DCT: variants seen among roughly 807,000 people sequenced by gnomAD.
DCT encodes L-dopachrome tautomerase.
A neutral mutation model predicts 53.0 loss-of-function variants in DCT; 47 were observed. The observed-to-expected ratio is 0.89, with a 90% confidence interval of 0.70 to 1.13. The LOEUF (loss-of-function observed/expected upper bound fraction) is 1.13. Ranked by LOEUF, DCT falls within the 50% of genes most tolerant of loss-of-function variation. DCT has a pLI of 0.00. For synonymous variants in DCT, 244 were observed against 237.0 expected (o/e 1.03, Z -0.27); for missense variants, 669 against 637.4 (o/e 1.05, Z -0.53).
chr13:94,443,398 G>C, intron 7 of DCT, 38 bp downstream of exon 7: 1 of 1,456,166 alleles, frequency 6.9e-7, no homozygotes, highest in Non-Finnish European at 9.6e-7. Flanking sequence ...TTCTTTAGAA[G>C]ATGAATGAAT....
rs1594261692 is a variant in DCT at position 94,438,512 on chromosome 13, A to G, written c.*1386T>C. On this transcript the variant is annotated 3_prime_UTR_variant, in exon 8 of 8. Coordinates refer to ENST00000377028, the MANE Select transcript of DCT (RefSeq NM_001922.5). ...CCTTATGTTGAAGGCAGCTCCAGGG[A>G]CCTCTTAACACCCATTCTTTACATT... 2.3e-6 allele frequency: 1 copy of G among 443,766 alleles called. No homozygotes were observed. Among genetic ancestry groups the G allele is most frequent in the Non-Finnish European group, 4.5e-6 (1 of 221,392 alleles). The allele number at this position is 443,766 out of a possible 1,614,324, so 27.5% of individuals were successfully genotyped here. A position where few individuals can be genotyped will look rare whatever the true frequency, so the allele number is the denominator to read the frequency against.
the DCT span, among the ~76,000 whole-genome samples, chr13:94,506,961 T>A: frequency 6.6e-6 from 1 of 152,244 alleles, no homozygotes; most frequent in South Asian, 2.1e-4. Context: ...TTTACTATTA[T>A]CTTACTCTAT....
chr13:94,451,549 A>T (rs1302022684), intron 6 of DCT, among the ~76,000 whole-genome samples: 1 of 152,204 alleles, frequency 6.6e-6, no homozygotes, highest in Admixed American at 6.5e-5. Flanking sequence ...GCCTCTCTAA[A>T]CTGTATTTTC....
chr13:94,458,168 C>G (rs192281346), intron 6 of DCT, among the ~76,000 whole-genome samples: 24 of 152,250 alleles, frequency 1.6e-4, no homozygotes, highest in African/African-American at 5.3e-4. Flanking sequence ...GCCCCATATA[C>G]AGACATAATC....
intron 6 of DCT, among the ~76,000 whole-genome samples, chr13:94,455,723 C>T (rs1418513235): frequency 6.6e-6 from 1 of 152,126 alleles, no homozygotes; most frequent in African/African-American, 2.4e-5. Context: ...GAAGGAGATA[C>T]GGTTTAGCAA....
rs752559064 is a variant in DCT, at chr13:94,479,082, C to G, written c.174G>C (p.Arg58=). The G allele has an allele frequency of 3.7e-6, 6 of 1,614,234 alleles. No individual in the cohort carries two copies. The South Asian group carries it at 5.5e-5, about 15-fold the overall frequency. The change falls in exon 1 of 8, where the codon CGG becomes CGC. Residue 58 remains arginine (R), a synonymous_variant. Transcript: ENST00000377028. ...SANVCGSQQG[R]GQCTEVRADT... ...CGGCTCGCACCTCTGTGCACTGCCC[C>G]CGGCCTTGCTGAGAGCCACAGACAT... is the stretch of plus-strand genomic sequence containing the variant.
chr13:94,468,868 A>T lies in DCT; in HGVS notation c.473T>A (p.Ile158Asn), dbSNP rs759365124. 5.0e-6 allele frequency: 8 copies of T among 1,614,062 alleles called. No individual in the cohort carries two copies. The highest frequency in any genetic ancestry group is 3.3e-5 in the Admixed American group (2 of 59,998). Residue 158 changes from isoleucine to asparagine, a missense_variant, in exon 2 of 8, where the codon ATC (isoleucine) becomes AAC (asparagine). Transcript: ENST00000377028. ...CAGGCCCAGCCAGTGTTGTGTGGTG[A>T]TCACGTAGTCGGGGTGTACTCTCTT... ...AKKRVHPDYV[I>N]TTQHWLGLLG... is the part of the protein sequence containing the mutation.
the DCT span, among the ~76,000 whole-genome samples, chr13:94,542,644 G>A: frequency 6.6e-6 from 1 of 152,116 alleles, no homozygotes; most frequent in Non-Finnish European, 1.5e-5. Flanking sequence ...GGGCTCAATC[G>A]AAGTTCTCCG....
At chr13:94,531,916 T>C in the DCT span, among the ~76,000 whole-genome samples, 7 of 152,064 alleles carry the variant, frequency 4.6e-5, no homozygotes, top group African/African-American at 1.7e-4. Flanking sequence ...GTATCCAGAA[T>C]CTACAAAGAA....
the DCT span, among the ~76,000 whole-genome samples, chr13:94,498,185 T>C: frequency 6.6e-6 from 1 of 152,208 alleles, no homozygotes; most frequent in African/African-American, 2.4e-5. Context: ...AGGAAACCAC[T>C]AGATGAAGCC....
chr13:94,504,241 G>A, the DCT span, among the ~76,000 whole-genome samples: 4 of 152,224 alleles, frequency 2.6e-5, no homozygotes, highest in Non-Finnish European at 5.9e-5. Context: ...TGTTTGCAAA[G>A]CAGCATTCTG....
At chr13:94,478,836 A>G in intron 1 of DCT, 125 bp downstream of exon 1, 3 of 940,108 alleles carry the variant, frequency 3.2e-6, no homozygotes, top group East Asian at 5.1e-5. Context: ...TCCGACCAAA[A>G]CCATCATTGG....
At chr13:94,509,907 T>C in the DCT span, among the ~76,000 whole-genome samples, 1 of 152,188 alleles carries the variant, frequency 6.6e-6, no homozygotes, top group African/African-American at 2.4e-5. Context: ...TTTGTTGCTA[T>C]TGGCCAGGCA....
rs1280257501 is a variant in DCT at position 94,443,784 on chromosome 13, C to T, written c.1180-147G>A. The T allele has an allele frequency of 4.6e-6, 3 of 645,840 alleles. No homozygotes were observed. The Admixed American group carries it at 7.6e-5, about 16-fold the overall frequency. 40.0% of individuals were successfully genotyped at this position (645,840 alleles called of 1,614,324 possible). On this transcript the variant is annotated intron_variant, in intron 6 of 7. Coordinates refer to ENST00000377028, the MANE Select transcript of DCT (RefSeq NM_001922.5). ...TGTGTGGAATACCCCCTTCTGTGTACCACCATGAGGAAGCCCAAATCAACT... is the reference window on the plus strand; with the variant it reads ...TGTGTGGAATACCCCCTTCTGTGTATCACCATGAGGAAGCCCAAATCAACT...
intron 2 of DCT, chr13:94,468,465 C>T: frequency 3.1e-6 from 1 of 317,606 alleles, no homozygotes; most frequent in African/African-American, 2.1e-5. Context: ...CACCAACTCA[C>T]ATCTTTGATG....
the DCT span, among the ~76,000 whole-genome samples, chr13:94,511,158 G>C: frequency 2.0e-5 from 3 of 152,066 alleles, no homozygotes; most frequent in Admixed American, 2.0e-4. Context: ...ATGTCTATCA[G>C]GCCTTTCTTG....
At chr13:94,480,376 G>T (rs544517683), upstream of DCT, among the ~76,000 whole-genome samples, 1 of 152,328 alleles carries the variant, frequency 6.6e-6, no homozygotes, top group East Asian at 1.9e-4. Context: ...GAATGGTCAG[G>T]TCAGCAATGG....
the DCT span, among the ~76,000 whole-genome samples, chr13:94,512,596 C>T: frequency 7.2e-4 from 110 of 152,246 alleles, 1 homozygote; most frequent in African/African-American, 2.6e-3. Context: ...GCTTTGTTCA[C>T]CAAAACATTG....
intron 6 of DCT, among the ~76,000 whole-genome samples, chr13:94,454,040 G>T (rs1381167785): frequency 6.6e-6 from 1 of 152,116 alleles, no homozygotes; most frequent in African/African-American, 2.4e-5. Context: ...ACTCAGAAGG[G>T]CTCTTTCTTA....
Sources: gnomAD v4.1 joint callset for allele counts (sites outside exome capture counted in the v4.1 genomes callset) on GRCh38, gnomAD v4.1.1 for gene constraint, MANE v1.5 for transcripts, NCBI Gene and HGNC (gene_info 2026-07-23, HGNC 2026-07-21) for gene names.